Variants in HSF5 observed in about 807,000 individuals in gnomAD.
HSF5 encodes heat shock transcription factor 5.
HSF5 carries 5 observed loss-of-function variants against 50.8 expected under a neutral mutation model. That is an observed-to-expected ratio of 0.10 (90% CI 0.05 to 0.21). The LOEUF (loss-of-function observed/expected upper bound fraction) is 0.21. Among genes scored for constraint, HSF5 ranks in the 10% least tolerant of loss-of-function variants. HSF5 has a pLI of 1.00. For synonymous variants in HSF5, 307 were observed against 307.4 expected, an observed-to-expected ratio of 1.00 and a Z score of 0.02; for missense variants, 564 against 762.6, an observed-to-expected ratio of 0.74 and a Z score of 3.07.
intron 5 of HSF5, among the ~76,000 whole-genome samples, chr17:58,437,019 C>A (rs879459050): frequency 6.6e-6 from 1 of 152,088 alleles, no homozygotes; most frequent in Non-Finnish European, 1.5e-5. Context: ...TTCTGCCTCC[C>A]GACATCTTCA....
At chr17:58,485,156 T>C (rs1770301285) in intron 1 of HSF5, among the ~76,000 whole-genome samples, 2 of 151,842 alleles carry the variant, frequency 1.3e-5, no homozygotes, top group African/African-American at 4.8e-5. Context: ...GGTTTCACCA[T>C]GTTGGCCAGG....
rs1424052071 is a variant in HSF5 at position 58,488,102 on chromosome 17, C to A, written c.173G>T (p.Gly58Val). The A allele has an allele frequency of 4.5e-6, 7 of 1,570,020 alleles. No homozygotes were observed. The highest frequency in any genetic ancestry group is 1.4e-5 in the African/African-American group (1 of 71,814). ...AELLSPPGPGGGGGTAGAGAE... is the reference protein window; with the variant it reads ...AELLSPPGPGVGGGTAGAGAE... ...CCCGGCCCCCGCAGTCCCGCCACCG[C>A]CCCCCGGCCCGGGCGGGCTGAGCAG... The change falls in exon 1 of 6, where the codon GGC (glycine) becomes GTC (valine). Residue 58 changes from glycine to valine, a missense_variant. Gly to Val is a moderately radical substitution (Grantham distance 109). This residue lies in a region of HSF5 where 72 missense variants were observed against 110.9 expected (regional missense o/e 0.65). Coordinates refer to ENST00000323777, the MANE Select transcript of HSF5 (RefSeq NM_001080439.3). This position sits in a 1 kb window ranked among gnomAD's most constrained non-coding sequence, Gnocchi z 4.1.
chr17:58,457,079 C>T lies in HSF5; in HGVS notation c.1720+1689G>A, dbSNP rs1413361711. On this transcript the variant is annotated intron_variant, in intron 5 of 5. Transcript: ENST00000323777. ...TTCAAGACCAGCCTGGCCAACATGG[C>T]GGAAACCTTGCCTCTGCTAAAAATA... Among the ~76,000 whole-genome samples the T allele has an allele frequency of 7.3e-5, 11 of 150,246 alleles. 1 individual carries two copies. Among genetic ancestry groups the T allele is most frequent in the Admixed American group, 4.6e-4 (7 of 15,108 alleles).
chr17:58,479,844 C>A, intron 2 of HSF5, 49 bp downstream of exon 2: 1 of 1,492,068 alleles, frequency 6.7e-7, no homozygotes. Context: ...TATATATGCT[C>A]ATTATAAACA....
In HSF5 at chr17:58,463,387, G is replaced by C. The variant is rs1260160332; in HGVS notation, c.1021-84C>G. On this transcript the variant is annotated intron_variant, in intron 3 of 5. Coordinates refer to ENST00000323777, the MANE Select transcript of HSF5 (RefSeq NM_001080439.3). ...AAAGCTACAATATTTAGGCTGATGA[G>C]TGCTAAACATAAATAGATTAAACTT... is the stretch of plus-strand genomic sequence containing the variant. 11 of 1,056,818 alleles carry C rather than the reference G, an allele frequency of 1.0e-5. No homozygotes were observed. The Admixed American group carries it at 2.2e-4, about 21-fold the overall frequency. The allele number at this position is 1,056,818 out of a possible 1,614,324, so 65.5% of individuals were successfully genotyped here. A position where few individuals can be genotyped will look rare whatever the true frequency, so the allele number is the denominator to read the frequency against.
At chr17:58,460,529 A>G (rs1974779800) in intron 4 of HSF5, among the ~76,000 whole-genome samples, 2 of 143,460 alleles carry the variant, frequency 1.4e-5, no homozygotes, top group Non-Finnish European at 3.0e-5. Flanking sequence ...TTTTTTTTTG[A>G]GACGGAGTCT....
intron 3 of HSF5, among the ~76,000 whole-genome samples, 173 bp downstream of exon 3, chr17:58,466,712 T>C (rs1974872164): frequency 6.6e-6 from 1 of 152,166 alleles, no homozygotes; most frequent in Non-Finnish European, 1.5e-5. Flanking sequence ...AATTCTGAGA[T>C]ATTATTTATA....
chr17:58,477,462 C>CT lies in HSF5; in HGVS notation c.925+2430dup, dbSNP rs34369632. Among the ~76,000 whole-genome samples, 111 of 119,514 alleles carry CT rather than the reference C, an allele frequency of 9.3e-4. 1 individual carries two copies. Among genetic ancestry groups the CT allele is most frequent in the Middle Eastern group, 4.6e-3 (1 of 216 alleles). The allele number at this position is 119,514 out of a possible 152,430, so 78.4% of individuals were successfully genotyped here. ...AATGGCAACAAATTACTCCATTCCC[C>CT]TTTTTTTTTTTTTTTGAGACGGAGT... On this transcript the variant is annotated intron_variant, in intron 2 of 5. Transcript: ENST00000323777.
chr17:58,460,967 C>T (rs919837882), intron 4 of HSF5, among the ~76,000 whole-genome samples: 2 of 151,216 alleles, frequency 1.3e-5, no homozygotes, highest in Non-Finnish European at 2.9e-5. Context: ...GCCTGTAATC[C>T]CAGCACTTTG....
intron 5 of HSF5, among the ~76,000 whole-genome samples, chr17:58,454,149 TC>T (rs1484974066): frequency 6.6e-6 from 1 of 151,462 alleles, no homozygotes; most frequent in African/African-American, 2.4e-5. Flanking sequence ...CTGCTGACCT[TC>T]CCTCCACTAT....
rs1256773921 is a variant in HSF5, at chr17:58,422,171, T to C, written c.*189A>G. 4.3e-5 allele frequency: 23 copies of C among 531,622 alleles called. No homozygotes were observed. Among genetic ancestry groups the C allele is most frequent in the Middle Eastern group, 4.9e-4 (1 of 2,026 alleles). The allele number at this position is 531,622 out of a possible 1,614,324, so 32.9% of individuals were successfully genotyped here. Reference sequence around the variant, plus strand: ...ATGTTCAGTAGTTTGTCAAGGCAGATAATCTGAACTGAACCACTGTAGTAC... The same window carrying C: ...ATGTTCAGTAGTTTGTCAAGGCAGACAATCTGAACTGAACCACTGTAGTAC... On this transcript the variant is annotated 3_prime_UTR_variant, in exon 6 of 6. Coordinates refer to ENST00000323777, the MANE Select transcript of HSF5 (RefSeq NM_001080439.3).
rs528483646 is a variant in HSF5 at position 58,482,837 on chromosome 17, G to C, written c.551-2570C>G. 2.7e-5 allele frequency among the ~76,000 whole-genome samples: 4 copies of C among 149,926 alleles called. No individual in the cohort carries two copies. The South Asian group carries it at 8.4e-4, about 31-fold the overall frequency. On this transcript the variant is annotated intron_variant, in intron 1 of 5. Coordinates refer to ENST00000323777, the MANE Select transcript of HSF5 (RefSeq NM_001080439.3). ...CATGCACCAATAGTCCCAGCTAGGAGACTGAGATGGGAGGATGACTTGATC... is the reference window on the plus strand; with the variant it reads ...CATGCACCAATAGTCCCAGCTAGGACACTGAGATGGGAGGATGACTTGATC...
intron 2 of HSF5, among the ~76,000 whole-genome samples, chr17:58,469,245 A>C (rs1180104845): frequency 6.6e-6 from 1 of 152,176 alleles, no homozygotes; most frequent in Non-Finnish European, 1.5e-5. Context: ...AATCAATAAA[A>C]GGATTAGCTT....
chr17:58,456,787 C>T (rs190265022), intron 5 of HSF5, among the ~76,000 whole-genome samples: 171 of 152,298 alleles, frequency 1.1e-3, no homozygotes, highest in Non-Finnish European at 2.0e-3. Context: ...AATATGTGCT[C>T]TACAGGCAGA....
intron 2 of HSF5, chr17:58,476,244 A>G (rs1158912344): frequency 2.2e-6 from 2 of 925,148 alleles, no homozygotes; most frequent in Non-Finnish European, 3.5e-6. Flanking sequence ...TCTCTTCATC[A>G]TCATCATCTT....
intron 5 of HSF5, among the ~76,000 whole-genome samples, chr17:58,431,951 A>G (rs569112668): frequency 1.3e-5 from 2 of 152,336 alleles, no homozygotes; most frequent in Non-Finnish European, 2.9e-5. Context: ...ATGGAGACTT[A>G]CTGTTTAATG....
At chr17:58,442,861 C>A (rs1974516184) in intron 5 of HSF5, among the ~76,000 whole-genome samples, 1 of 151,838 alleles carries the variant, frequency 6.6e-6, no homozygotes, top group Non-Finnish European at 1.5e-5. Context: ...CCTCAACCTC[C>A]TGAGGAGCTG....
intron 2 of HSF5, chr17:58,476,106 G>A: frequency 1.2e-6 from 1 of 854,312 alleles, no homozygotes; most frequent in South Asian, 1.6e-5. Context: ...AAAAAGGAAG[G>A]TCAGAATCCA....
At chr17:58,426,525 A>G (rs965993468) in intron 5 of HSF5, among the ~76,000 whole-genome samples, 2 of 152,340 alleles carry the variant, frequency 1.3e-5, no homozygotes, top group Middle Eastern at 6.8e-3. Flanking sequence ...TTTGGGAATG[A>G]TCATTCCTAC....
Sources: gnomAD v4.1 joint callset for allele counts (sites outside exome capture counted in the v4.1 genomes callset) on GRCh38, gnomAD v4.1.1 for gene constraint, gnomAD v4.1.1 regional missense constraint, Gnocchi (gnomAD v3.1) non-coding constraint, MANE v1.5 for transcripts, NCBI Gene and HGNC (gene_info 2026-07-23, HGNC 2026-07-21) for gene names.